Variants in NLGN4X observed in about 807,000 individuals in gnomAD.
NLGN4X encodes neuroligin 4 X-linked.
NLGN4X carries 3 observed loss-of-function variants against 40.3 expected under a neutral mutation model. The ratio of observed to expected loss-of-function variants is 0.07; its 90% confidence interval spans 0.03 to 0.19. The LOEUF is 0.19. Ranked by LOEUF, NLGN4X falls within the 10% of genes least tolerant of loss-of-function variation. The pLI is 1.00. For missense variants in NLGN4X, 382 were observed against 708.3 expected (o/e 0.54, Z 5.23); for synonymous variants, 270 against 306.8 (o/e 0.88, Z 1.25).
At chrX:5,936,343 T>A (rs1226162165) in intron 3 of NLGN4X, among the ~76,000 whole-genome samples, 1 of 112,019 alleles carries the variant, frequency 8.9e-6, no homozygotes, top group African/African-American at 3.2e-5. Flanking sequence ...TAATTGTTTA[T>A]CTGGAATGAA....
At chrX:6,014,162 C>A (rs1034923405) in intron 3 of NLGN4X, among the ~76,000 whole-genome samples, 1 of 104,372 alleles carries the variant, frequency 9.6e-6, no homozygotes, top group African/African-American at 3.6e-5. Context: ...AGCCTGGCAA[C>A]AGAGCAAGAC....
intron 1 of NLGN4X, among the ~76,000 whole-genome samples, chrX:6,215,418 G>A (rs1470254380): frequency 2.7e-5 from 3 of 110,417 alleles, no homozygotes; most frequent in African/African-American, 9.9e-5. Context: ...CAGTGGTGGT[G>A]TGTGCCTGTA....
intron 3 of NLGN4X, 112 bp from the exon 4 acceptor site, chrX:5,909,351 A>C: frequency 1.1e-6 from 1 of 878,283 alleles, no homozygotes; most frequent in Non-Finnish European, 1.6e-6. Flanking sequence ...TCTCTCCTCA[A>C]CTCTCACCCC....
chrX:6,170,453 G>A (rs1200982453), intron 1 of NLGN4X, among the ~76,000 whole-genome samples: 2 of 112,182 alleles, frequency 1.8e-5, no homozygotes, highest in African/African-American at 6.5e-5. Flanking sequence ...TGATTCCAAT[G>A]GGCAGGTACA....
At chrX:6,099,203 G>C (rs1418429881) in intron 2 of NLGN4X, among the ~76,000 whole-genome samples, 2 of 112,130 alleles carry the variant, frequency 1.8e-5, no homozygotes, top group African/African-American at 6.5e-5. Flanking sequence ...GTACCATGAA[G>C]AGTACATAGG....
chrX:6,041,069 C>T (rs1224019434), intron 2 of NLGN4X, among the ~76,000 whole-genome samples: 2 of 111,472 alleles, frequency 1.8e-5, no homozygotes, highest in African/African-American at 6.5e-5. Context: ...TTATTCTTAG[C>T]TTTCATTATA....
chrX:6,135,218 A>C (rs907282315), intron 2 of NLGN4X, among the ~76,000 whole-genome samples: 3 of 111,669 alleles, frequency 2.7e-5, no homozygotes, highest in South Asian at 3.7e-4. Context: ...CTCCCAACAT[A>C]GAACTGCCTG....
intron 3 of NLGN4X, among the ~76,000 whole-genome samples, chrX:5,942,374 G>A (rs934510474): frequency 1.4e-4 from 16 of 112,025 alleles, no homozygotes; most frequent in African/African-American, 5.2e-4. Flanking sequence ...ACTACCATCT[G>A]AGGATTATTA....
chrX:5,907,854 C>A (rs1053965605), intron 4 of NLGN4X, among the ~76,000 whole-genome samples: 1 of 104,377 alleles, frequency 9.6e-6, no homozygotes, highest in Admixed American at 1.1e-4. Flanking sequence ...TGGTGAAAGT[C>A]ATATTTGCAG....
intron 2 of NLGN4X, among the ~76,000 whole-genome samples, chrX:6,073,659 G>GTCTT (rs2038122623): frequency 2.7e-5 from 3 of 110,896 alleles, no homozygotes; most frequent in Admixed American, 9.6e-5. Context: ...GAGATGCCCA[G>GTCTT]GACACATTTA....
rs34281533 is a variant in NLGN4X at position 6,140,457 on chromosome X, GACACACACAC to G, written c.472+10528_472+10537del. Among the ~76,000 whole-genome samples, 525 of 95,974 alleles carry G rather than the reference GACACACACAC, an allele frequency of 5.5e-3. 4 individuals carry two copies. Among genetic ancestry groups the G allele is most frequent in the African/African-American group, 0.018 (476 of 27,075 alleles). 83.3% of individuals were successfully genotyped at this position (95,974 alleles called of 115,157 possible). ...TTTCCTTCAATAGCATTCACACACA[GACACACACAC>G]ACACACACACACACACACACACACA... On this transcript the variant is annotated intron_variant, in intron 2 of 5. Coordinates refer to ENST00000381095, the MANE Select transcript of NLGN4X (RefSeq NM_181332.3).
intron 5 of NLGN4X, among the ~76,000 whole-genome samples, chrX:5,902,512 C>G (rs1406226538): frequency 1.9e-5 from 2 of 107,886 alleles, no homozygotes; most frequent in Non-Finnish European, 3.8e-5. Context: ...GTGAGACCCT[C>G]TTTCTACCAA....
intron 3 of NLGN4X, among the ~76,000 whole-genome samples, chrX:5,946,631 A>C (rs1316638524): frequency 9.0e-6 from 1 of 111,646 alleles, no homozygotes; most frequent in Non-Finnish European, 1.9e-5. Context: ...TGTTTCTCTG[A>C]GGTGAAACTC....
intron 3 of NLGN4X, among the ~76,000 whole-genome samples, chrX:5,987,830 C>G (rs906174721): frequency 1.8e-5 from 2 of 111,846 alleles, no homozygotes; most frequent in East Asian, 2.8e-4. Flanking sequence ...TCCCAGCACT[C>G]TGGGAGGCTG....
intron 2 of NLGN4X, among the ~76,000 whole-genome samples, chrX:6,053,989 G>A (rs1040853335): frequency 8.9e-6 from 1 of 111,988 alleles, no homozygotes; most frequent in African/African-American, 3.2e-5. Context: ...TCCAAAGAGA[G>A]AAATGATCTA....
chrX:6,144,029 C>T (rs772372743), intron 2 of NLGN4X, among the ~76,000 whole-genome samples: 3 of 112,018 alleles, frequency 2.7e-5, no homozygotes, highest in Admixed American at 1.9e-4. Flanking sequence ...GGATCACTTG[C>T]GGCCAGGAGT....
chrX:6,005,506 T>C (rs980421318), intron 3 of NLGN4X, among the ~76,000 whole-genome samples: 1 of 111,135 alleles, frequency 9.0e-6, no homozygotes, highest in Non-Finnish European at 1.9e-5. Flanking sequence ...TTGTCTTCAC[T>C]ACCCAGTTGT....
At chrX:6,044,104 T>TC (rs2147268749) in intron 2 of NLGN4X, among the ~76,000 whole-genome samples, 1 of 11,748 alleles carries the variant, frequency 8.5e-5, no homozygotes, top group South Asian at 2.3e-3. Context: ...CTGTTTCTAT[T>TC]AAAAATAAAT....
At chrX:6,196,734 C>A (rs1201754264) in intron 1 of NLGN4X, among the ~76,000 whole-genome samples, 1 of 110,159 alleles carries the variant, frequency 9.1e-6, no homozygotes, top group Non-Finnish European at 1.9e-5. Context: ...CACCACCTCT[C>A]CTTTTATGGG....
Sources: allele counts gnomAD v4.1 joint callset (sites outside exome capture counted in the v4.1 genomes callset), GRCh38; gene constraint gnomAD v4.1.1; transcripts MANE v1.5; gene names NCBI Gene and HGNC (gene_info 2026-07-23, HGNC 2026-07-21).